The following LRP1B variants were observed in gnomAD, a reference collection of about 807,000 sequenced individuals.
The protein encoded by LRP1B is low-density lipoprotein receptor-related protein 1B.
Under a neutral mutation model 556.6 loss-of-function variants are expected in LRP1B, and 217 were observed. That is an observed-to-expected ratio of 0.39 (90% CI 0.35 to 0.44). LRP1B has a LOEUF of 0.44. LRP1B is among the 20% of genes least tolerant of loss of function. The pLI, the probability that LRP1B is intolerant of heterozygous loss-of-function variation, is 1.00. For missense variants in LRP1B, 5,053 were observed against 5,620.8 expected (o/e 0.90, Z 3.23); for synonymous variants, 2,047 against 1,865.8 (o/e 1.10, Z -2.50).
At chr2:141,183,309 C>T (rs967628501) in intron 7 of LRP1B, among the ~76,000 whole-genome samples, 2 of 152,006 alleles carry the variant, frequency 1.3e-5, no homozygotes, top group African/African-American at 4.8e-5. Context: ...TGTAGGCAAA[C>T]CCGCTTCATT....
intron 3 of LRP1B, among the ~76,000 whole-genome samples, chr2:141,469,613 C>T: frequency 6.6e-6 from 1 of 152,056 alleles, no homozygotes; most frequent in East Asian, 1.9e-4. Context: ...TAAAAAGCCA[C>T]AAAAATAGTA....
chr2:141,298,302 C>G (rs1016636776), intron 3 of LRP1B, among the ~76,000 whole-genome samples: 1 of 152,010 alleles, frequency 6.6e-6, no homozygotes, highest in South Asian at 2.1e-4. Flanking sequence ...ATATGTCATG[C>G]CTGATAGGAA....
chr2:140,579,837 A>G (rs753793284), intron 43 of LRP1B, among the ~76,000 whole-genome samples: 10 of 152,148 alleles, frequency 6.6e-5, no homozygotes, highest in Non-Finnish European at 1.2e-4. Context: ...GTGAGACTCC[A>G]TCTCAAAAAA....
At chr2:140,934,761 T>G (rs972796298) in intron 20 of LRP1B, among the ~76,000 whole-genome samples, 4 of 152,092 alleles carry the variant, frequency 2.6e-5, no homozygotes, top group African/African-American at 9.7e-5. Flanking sequence ...TCATTGCACC[T>G]CTCTCCATCG....
At chr2:141,798,189 G>A (rs11691566) in intron 2 of LRP1B, among the ~76,000 whole-genome samples, 61,664 of 151,692 alleles carry the variant, frequency 0.41, 12,737 homozygotes, top group Middle Eastern at 0.56. Context: ...ACAAATGTAT[G>A]CGTGATGTGA....
At chr2:140,274,292 TAAA>T in intron 85 of LRP1B, 129 bp downstream of exon 85, 1 of 740,122 alleles carries the variant, frequency 1.4e-6, no homozygotes, top group Non-Finnish European at 2.2e-6. Context: ...TCTCTAATCA[TAAA>T]AACTGCAATG....
At chr2:141,248,077 G>T (rs1684133549) in intron 4 of LRP1B, among the ~76,000 whole-genome samples, 3 of 152,092 alleles carry the variant, frequency 2.0e-5, no homozygotes, top group Admixed American at 6.6e-5. Flanking sequence ...GCACAATGGT[G>T]TGTGCCTGTA....
intron 59 of LRP1B, among the ~76,000 whole-genome samples, chr2:140,483,011 C>G (rs1264725547): frequency 6.6e-6 from 1 of 152,080 alleles, no homozygotes; most frequent in Non-Finnish European, 1.5e-5. Context: ...CACCCTAGAG[C>G]TCATCTCATC....
In LRP1B at chr2:140,862,579, G is replaced by A. The variant is rs551509474; in HGVS notation, c.4579+5011C>T. Among the ~76,000 whole-genome samples the A allele has an allele frequency of 1.4e-4, 21 of 152,138 alleles. No individual in the cohort carries two copies. In the South Asian group the frequency reaches 4.1e-3, roughly 30 times the overall value. On this transcript the variant is annotated intron_variant, in intron 27 of 90. Transcript: ENST00000389484. ...CAAATCTCTATCACCACTTTTTAATGATTTCAACTCTAAGTATATCTCATC... is the reference window on the plus strand; with the variant it reads ...CAAATCTCTATCACCACTTTTTAATAATTTCAACTCTAAGTATATCTCATC...
intron 1 of LRP1B, among the ~76,000 whole-genome samples, chr2:142,110,746 T>C (rs1193175188): frequency 1.3e-5 from 2 of 152,178 alleles, no homozygotes; most frequent in African/African-American, 2.4e-5. Flanking sequence ...CACCAGATTA[T>C]AAAGGACATC....
chr2:141,902,085 T>C (rs1274098247), intron 1 of LRP1B, among the ~76,000 whole-genome samples: 1 of 151,604 alleles, frequency 6.6e-6, no homozygotes, highest in South Asian at 2.1e-4. Flanking sequence ...AGTTAAAATT[T>C]CTTACTAAAA....
intron 1 of LRP1B, among the ~76,000 whole-genome samples, chr2:141,872,128 G>C (rs1698609746): frequency 1.3e-5 from 2 of 151,896 alleles, no homozygotes; most frequent in South Asian, 4.1e-4. Context: ...AAGACTAGAA[G>C]TCTTGAGGCA....
intron 3 of LRP1B, among the ~76,000 whole-genome samples, chr2:141,288,376 A>G (rs1190262638): frequency 6.6e-6 from 1 of 152,076 alleles, no homozygotes; most frequent in Non-Finnish European, 1.5e-5. Context: ...AAATAGAGCC[A>G]TTTTTTTCCT....
chr2:140,573,974 T>C (rs1477245774), intron 43 of LRP1B, among the ~76,000 whole-genome samples: 1 of 152,108 alleles, frequency 6.6e-6, no homozygotes. Context: ...AATAAGATCT[T>C]TTACAATAGA....
intron 20 of LRP1B, among the ~76,000 whole-genome samples, chr2:140,927,774 T>G (rs961832039): frequency 2.7e-5 from 4 of 149,854 alleles, no homozygotes; most frequent in Non-Finnish European, 4.4e-5. Context: ...TAGTGCAATC[T>G]TGGCTCACTG....
chr2:141,822,126 C>CAG (rs1308046198), intron 1 of LRP1B, among the ~76,000 whole-genome samples: 11 of 114,426 alleles, frequency 9.6e-5, no homozygotes, highest in African/African-American at 4.3e-4. Flanking sequence ...CACACACACA[C>CAG]ACACAGAGAG....
intron 83 of LRP1B, among the ~76,000 whole-genome samples, chr2:140,308,038 AT>A (rs942328435): frequency 4.0e-5 from 6 of 151,874 alleles, no homozygotes; most frequent in Non-Finnish European, 8.8e-5. Context: ...TTTGCTAATA[AT>A]TTTAGAGTAA....
chr2:141,845,833 G>T (rs1697627373), intron 1 of LRP1B, among the ~76,000 whole-genome samples: 1 of 151,740 alleles, frequency 6.6e-6, no homozygotes, highest in Non-Finnish European at 1.5e-5. Flanking sequence ...AGGAGAACTG[G>T]AAAATACTGA....
intron 3 of LRP1B, among the ~76,000 whole-genome samples, chr2:141,415,021 T>C (rs942466162): frequency 5.3e-5 from 8 of 149,848 alleles, no homozygotes; most frequent in Non-Finnish European, 1.2e-4. Flanking sequence ...TTGTTTTGTT[T>C]TGTTTTGTTT....
Sources: allele counts gnomAD v4.1 joint callset (sites outside exome capture counted in the v4.1 genomes callset), GRCh38; gene constraint gnomAD v4.1.1; transcripts MANE v1.5; gene names NCBI Gene and HGNC (gene_info 2026-07-23, HGNC 2026-07-21).